The following FAM184A variants were observed in gnomAD, a reference collection of about 807,000 sequenced individuals.
FAM184A encodes the protein protein FAM184A.
A neutral mutation model predicts 143.8 loss-of-function variants in FAM184A; 99 were observed. The observed-to-expected ratio is 0.69, with a 90% CI of 0.58 to 0.81. The LOEUF (loss-of-function observed/expected upper bound fraction) is 0.81. FAM184A is among the 40% of genes least tolerant of loss of function. FAM184A has a pLI of 0.00. For missense variants in FAM184A, 1,217 were observed against 1,310.5 expected, an observed-to-expected ratio of 0.93 and a Z score of 1.10; for synonymous variants, 427 against 446.4, an observed-to-expected ratio of 0.96 and a Z score of 0.55.
chr6:119,127,713 C>A (rs575898109), intron 1 of FAM184A, among the ~76,000 whole-genome samples: 2 of 152,148 alleles, frequency 1.3e-5, no homozygotes, highest in East Asian at 3.9e-4. Flanking sequence ...TCAAAGCAAG[C>A]ATTTCTCCTT....
intron 1 of FAM184A, chr6:119,057,956 C>G (rs1202143619): frequency 7.3e-6 from 1 of 137,124 alleles, no homozygotes. Flanking sequence ...CTCCCCCGCT[C>G]CTAAATGACT....
At chr6:119,121,862 A>G (rs1188126036) in intron 1 of FAM184A, among the ~76,000 whole-genome samples, 2 of 152,220 alleles carry the variant, frequency 1.3e-5, no homozygotes, top group African/African-American at 2.4e-5. Flanking sequence ...AGTGCTTAAC[A>G]TAATTTGGCC....
intron 14 of FAM184A, among the ~76,000 whole-genome samples, chr6:118,969,871 C>T (rs1321629867): frequency 7.0e-6 from 1 of 142,078 alleles, no homozygotes; most frequent in South Asian, 2.3e-4. Context: ...TTGTTCAACT[C>T]CCACTTATGA....
chr6:119,045,353 G>A (rs1786487047), intron 1 of FAM184A, among the ~76,000 whole-genome samples: 1 of 148,894 alleles, frequency 6.7e-6, no homozygotes, highest in South Asian at 2.1e-4. Flanking sequence ...ACCCTAATAG[G>A]AGCTAGACTC....
At chr6:119,109,372 TCA>T (rs1420546085) in intron 1 of FAM184A, among the ~76,000 whole-genome samples, 1 of 152,242 alleles carries the variant, frequency 6.6e-6, no homozygotes, top group Admixed American at 6.5e-5. Context: ...TCAGCCTCTC[TCA>T]CAGTCACTCT....
intron 1 of FAM184A, among the ~76,000 whole-genome samples, chr6:119,075,775 T>C (rs1787851201): frequency 6.6e-6 from 1 of 152,104 alleles, no homozygotes; most frequent in Non-Finnish European, 1.5e-5. Context: ...TAACAGTCCC[T>C]CTCTCTCTAT....
intron 1 of FAM184A, among the ~76,000 whole-genome samples, chr6:119,044,767 A>C (rs2114733914): frequency 6.6e-6 from 1 of 152,324 alleles, no homozygotes; most frequent in East Asian, 1.9e-4. Flanking sequence ...CGTGAAGAAA[A>C]GGAAAGCCTT....
At chr6:119,101,380 C>A (rs1788634682) in intron 1 of FAM184A, among the ~76,000 whole-genome samples, 1 of 152,018 alleles carries the variant, frequency 6.6e-6, no homozygotes, top group Non-Finnish European at 1.5e-5. Flanking sequence ...CCACAATGCA[C>A]TTTCATATCA....
chr6:119,050,111 T>C (rs760343495), intron 1 of FAM184A, among the ~76,000 whole-genome samples: 2 of 152,090 alleles, frequency 1.3e-5, no homozygotes, highest in Non-Finnish European at 2.9e-5. Flanking sequence ...GAAATGCAAG[T>C]CAAAACCACA....
rs974990979 is a variant in FAM184A at position 119,024,334 on chromosome 6, A to C, written c.639T>G (p.Asn213Lys). ...KSQQDHSASV[N>K]KGQEKAEELH... The stretch of plus-strand genomic sequence containing the variant: ...GTTCCTCTGCCTTTTCCTGGCCTTT[A>C]TTTACTGAGGCACTGTGATCCTGCT... The change falls in exon 2 of 18, where the codon AAT (asparagine) becomes AAG (lysine). Residue 213 changes from asparagine (N) to lysine (K), a missense_variant. Asn to Lys is a moderately conservative substitution (Grantham distance 94). Coordinates refer to ENST00000338891, the MANE Select transcript of FAM184A (RefSeq NM_024581.6). 13 of 1,613,848 alleles carry C rather than the reference A, an allele frequency of 8.1e-6. No homozygotes were observed. The highest frequency in any genetic ancestry group is 3.3e-5 in the Admixed American group (2 of 59,984).
intron 9 of FAM184A, among the ~76,000 whole-genome samples, chr6:118,993,850 T>C (rs1784457597): frequency 6.6e-6 from 1 of 152,184 alleles, no homozygotes; most frequent in African/African-American, 2.4e-5. Flanking sequence ...ATCACAGTAT[T>C]TGAATATTTC....
chr6:118,979,308 A>T (rs1447267013), intron 11 of FAM184A, 57 bp downstream of exon 11: 1 of 1,478,046 alleles, frequency 6.8e-7, no homozygotes, highest in Non-Finnish European at 9.1e-7. Flanking sequence ...TGTTGAATTT[A>T]AAAAATGTTA....
chr6:119,076,257 T>C (rs552403743), intron 1 of FAM184A, among the ~76,000 whole-genome samples: 1 of 152,228 alleles, frequency 6.6e-6, no homozygotes, highest in South Asian at 2.1e-4. Context: ...AGAAACCTAG[T>C]ATGAAGGATT....
At chr6:119,053,633 C>T (rs1048661747) in intron 1 of FAM184A, among the ~76,000 whole-genome samples, 4 of 152,240 alleles carry the variant, frequency 2.6e-5, no homozygotes, top group South Asian at 2.1e-4. Flanking sequence ...ATAAGAATCA[C>T]TAAGTGGCCC....
At chr6:118,963,043 T>C (rs1783383274) in intron 16 of FAM184A, 1 of 152,108 alleles carries the variant, frequency 6.6e-6, no homozygotes, top group Non-Finnish European at 1.5e-5. Context: ...ATGAAAATCC[T>C]ATTTTAGCAT....
At chr6:119,002,690 G>A (rs1041749426) in intron 9 of FAM184A, among the ~76,000 whole-genome samples, 8 of 151,518 alleles carry the variant, frequency 5.3e-5, no homozygotes, top group Non-Finnish European at 7.4e-5. Flanking sequence ...AATTCTTCTC[G>A]GTATTCAGAC....
At chr6:119,088,621 T>C (rs1788289654) in intron 1 of FAM184A, among the ~76,000 whole-genome samples, 1 of 152,056 alleles carries the variant, frequency 6.6e-6, no homozygotes, top group Non-Finnish European at 1.5e-5. Flanking sequence ...TCTTCGGGGT[T>C]GGCCAGGTGA....
chr6:119,101,749 AC>A (rs1788642485), intron 1 of FAM184A, among the ~76,000 whole-genome samples: 1 of 152,116 alleles, frequency 6.6e-6, no homozygotes, highest in South Asian at 2.1e-4. Flanking sequence ...ATAAAGACAC[AC>A]AAAAAATTAA....
At chr6:119,002,813 A>G in intron 9 of FAM184A, 86 bp downstream of exon 9, 1 of 1,193,664 alleles carries the variant, frequency 8.4e-7, no homozygotes, top group Non-Finnish European at 1.1e-6. Flanking sequence ...AACAAAATTC[A>G]GTGAATTAAC....
Sources: gnomAD v4.1 joint callset for allele counts (sites outside exome capture counted in the v4.1 genomes callset) on GRCh38, gnomAD v4.1.1 for gene constraint, MANE v1.5 for transcripts, NCBI Gene and HGNC (gene_info 2026-07-23, HGNC 2026-07-21) for gene names.